The following GRM5 variants were observed in gnomAD, a reference collection of about 807,000 sequenced individuals.
GRM5 encodes glutamate metabotropic receptor 5.
In GRM5, 19 loss-of-function variants were observed where a neutral mutation model predicts 83.1. The observed-to-expected ratio is 0.23, with a 90% CI of 0.16 to 0.34. The LOEUF is 0.34. Ranked by LOEUF, GRM5 falls within the 10% of genes least tolerant of loss-of-function variation. The pLI is 1.00. For synonymous variants in GRM5, 675 were observed against 633.6 expected (o/e 1.07, Z -0.98); for missense variants, 1,160 against 1,588.3 (o/e 0.73, Z 4.58).
intron 3 of GRM5, among the ~76,000 whole-genome samples, chr11:88,745,274 C>T (rs1246352302): frequency 6.9e-6 from 1 of 145,306 alleles, no homozygotes; most frequent in Non-Finnish European, 1.5e-5. Context: ...AATCACAGCT[C>T]ACTGCAACCT....
chr11:88,978,829 T>C (rs1939429439), intron 2 of GRM5, among the ~76,000 whole-genome samples: 2 of 152,158 alleles, frequency 1.3e-5, no homozygotes, highest in South Asian at 4.1e-4. Flanking sequence ...ATGAGGTAAC[T>C]GATGCTCAGA....
intron 1 of GRM5, among the ~76,000 whole-genome samples, chr11:89,055,512 G>A (rs1941853808): frequency 6.6e-6 from 1 of 151,996 alleles, no homozygotes; most frequent in Admixed American, 6.5e-5. Context: ...CAAAACTAGA[G>A]AGGGCCCTGG....
intron 1 of GRM5, among the ~76,000 whole-genome samples, chr11:89,059,933 G>A (rs991945849): frequency 6.6e-6 from 1 of 151,870 alleles, no homozygotes; most frequent in Admixed American, 6.6e-5. Context: ...GCCATGTACT[G>A]CTATAACCCA....
chr11:88,985,359 G>A (rs527806747), intron 2 of GRM5, among the ~76,000 whole-genome samples: 6 of 151,934 alleles, frequency 3.9e-5, no homozygotes, highest in Non-Finnish European at 7.4e-5. Flanking sequence ...AAAATTATAG[G>A]TGATTCTTCT....
At chr11:88,980,186 A>G (rs1939479029) in intron 2 of GRM5, among the ~76,000 whole-genome samples, 1 of 152,198 alleles carries the variant, frequency 6.6e-6, no homozygotes, top group South Asian at 2.1e-4. Flanking sequence ...AACACAGCTG[A>G]AAATTTTGGA....
At chr11:88,514,456 A>G (rs997244962) in intron 9 of GRM5, among the ~76,000 whole-genome samples, 2 of 152,134 alleles carry the variant, frequency 1.3e-5, no homozygotes, top group African/African-American at 2.4e-5. Flanking sequence ...GACCTCACCC[A>G]GTTTCTCTAT....
chr11:88,989,123 G>A (rs910600519), intron 2 of GRM5, among the ~76,000 whole-genome samples: 38 of 150,660 alleles, frequency 2.5e-4, no homozygotes, highest in Admixed American at 5.3e-4. Context: ...CCCATCTCAC[G>A]TGCAGAGACA....
At chr11:88,848,317 A>G (rs1330368684) in intron 3 of GRM5, among the ~76,000 whole-genome samples, 1 of 152,230 alleles carries the variant, frequency 6.6e-6, no homozygotes, top group South Asian at 2.1e-4. Flanking sequence ...AGCCCCATCA[A>G]TCTATTGCCA....
chr11:88,573,314 A>G (rs1943044242), intron 7 of GRM5, among the ~76,000 whole-genome samples: 1 of 152,198 alleles, frequency 6.6e-6, no homozygotes, highest in African/African-American at 2.4e-5. Flanking sequence ...TGGACCCCTA[A>G]AAATGATGTG....
At chr11:88,936,867 G>A (rs1937916953) in intron 2 of GRM5, among the ~76,000 whole-genome samples, 1 of 151,766 alleles carries the variant, frequency 6.6e-6, no homozygotes, top group South Asian at 2.1e-4. Context: ...TGAGAAAGGA[G>A]CAAAGCCTGG....
rs1241841923 is a variant in GRM5 at position 88,507,516 on chromosome 11, A to G, written c.*1076T>C. 1 of 152,240 alleles carries G rather than the reference A, an allele frequency of 6.6e-6. No homozygotes were observed. The highest frequency in any genetic ancestry group is 2.4e-5 in the African/African-American group (1 of 41,464). The allele number at this position is 152,240 out of a possible 1,614,324, so 9.4% of individuals were successfully genotyped here. A position where few individuals can be genotyped will look rare whatever the true frequency, so the allele number is the denominator to read the frequency against. ...TCTCTCAAATCATGACAATGTCTTC[A>G]TGGGGTCTATGGACCACTCTTCCAG... On this transcript the variant is annotated 3_prime_UTR_variant, in exon 10 of 10. Transcript: ENST00000305447.
At chr11:88,527,155 C>T (rs1941898484) in intron 8 of GRM5, among the ~76,000 whole-genome samples, 1 of 152,122 alleles carries the variant, frequency 6.6e-6, no homozygotes, top group South Asian at 2.1e-4. Flanking sequence ...AATTGGATTG[C>T]TCAAGCAAAA....
chr11:89,040,412 TAAGAAAGAAA>T (rs1941502131), intron 2 of GRM5, among the ~76,000 whole-genome samples: 1 of 151,826 alleles, frequency 6.6e-6, no homozygotes, highest in African/African-American at 2.4e-5. Flanking sequence ...AAATGATAAA[TAAGAAAGAAA>T]GACAATGTCG....
At chr11:88,777,692 C>A (rs1431857220) in intron 3 of GRM5, among the ~76,000 whole-genome samples, 3 of 152,114 alleles carry the variant, frequency 2.0e-5, no homozygotes, top group Non-Finnish European at 2.9e-5. Context: ...CAGTCAGGTC[C>A]CTCAGCTGCA....
chr11:88,643,767 T>C (rs1335103011), intron 4 of GRM5, among the ~76,000 whole-genome samples: 1 of 152,232 alleles, frequency 6.6e-6, no homozygotes, highest in African/African-American at 2.4e-5. Context: ...GTAGATTTTT[T>C]TTTATTTTCC....
chr11:88,627,434 A>C (rs1591392606), intron 4 of GRM5, among the ~76,000 whole-genome samples: 1 of 152,196 alleles, frequency 6.6e-6, no homozygotes, highest in Non-Finnish European at 1.5e-5. Flanking sequence ...TGAAAGATGC[A>C]CATTAGGGAT....
At chr11:88,827,511 A>G (rs1431315211) in intron 3 of GRM5, among the ~76,000 whole-genome samples, 1 of 152,208 alleles carries the variant, frequency 6.6e-6, no homozygotes, top group East Asian at 1.9e-4. Context: ...TCCCCTGCTT[A>G]CGCCATTTTC....
rs116672270 is a variant in GRM5 at position 88,925,641 on chromosome 11, G to T, written c.662-75486C>A. On this transcript the variant is annotated intron_variant, in intron 2 of 9. Coordinates refer to ENST00000305447, the MANE Select transcript of GRM5 (RefSeq NM_001143831.3). ...GATGTGGCACTGGCCGGGTGCTGGG[G>T]TGGCTCATGCCCATAATCCCAGCAA... 1,571 of 408,012 alleles carry T rather than the reference G, an allele frequency of 3.9e-3. 22 individuals are homozygous for T. The highest frequency in any genetic ancestry group is 0.029 in the African/African-American group (1,430 of 48,564). The allele number at this position is 408,012 out of a possible 1,614,324, so 25.3% of individuals were successfully genotyped here.
intron 8 of GRM5, among the ~76,000 whole-genome samples, chr11:88,532,321 G>A (rs1282897660): frequency 1.3e-5 from 2 of 152,084 alleles, no homozygotes; most frequent in Non-Finnish European, 2.9e-5. Context: ...AGTATGGTAT[G>A]AGCAGAGAAA....
Sources: gnomAD v4.1 joint callset for allele counts (sites outside exome capture counted in the v4.1 genomes callset) on GRCh38, gnomAD v4.1.1 for gene constraint, MANE v1.5 for transcripts, NCBI Gene and HGNC (gene_info 2026-07-23, HGNC 2026-07-21) for gene names.